The following ALK variants were observed in gnomAD, a reference collection of about 807,000 sequenced individuals.
ALK encodes ALK receptor tyrosine kinase, also known as ALK tyrosine kinase receptor.
In ALK, 74 loss-of-function variants were observed where a neutral mutation model predicts 163.1. The observed-to-expected ratio is 0.45, with a 90% CI of 0.38 to 0.55. The LOEUF (loss-of-function observed/expected upper bound fraction) is 0.55. ALK is among the 20% of genes least tolerant of loss of function. The pLI is 0.00. For missense variants in ALK, 2,063 were observed against 2,105.3 expected, an observed-to-expected ratio of 0.98 and a Z score of 0.39; for synonymous variants, 960 against 843.2, an observed-to-expected ratio of 1.14 and a Z score of -2.40.
rs1553315937 is a variant in ALK at position 29,440,318 on chromosome 2, A to ATTTT, written c.1155-56463_1155-56460dup. Among the ~76,000 whole-genome samples, 22 of 83,134 alleles carry ATTTT rather than the reference A, an allele frequency of 2.6e-4. 7 individuals are homozygous for ATTTT. Among genetic ancestry groups the ATTTT allele is most frequent in the East Asian group, 1.1e-3 (4 of 3,568 alleles). 54.5% of individuals were successfully genotyped at this position (83,134 alleles called of 152,430 possible). A position where few individuals can be genotyped will look rare whatever the true frequency, so the allele number is the denominator to read the frequency against. The stretch of plus-strand genomic sequence containing the variant: ...GTTACGTAGGTTACGTGATGAATCA[A>ATTTT]TTTTTTTTTTTTTTTTTTGAGACGG... On this transcript the variant is annotated intron_variant, in intron 4 of 28. Transcript: ENST00000389048.
intron 5 of ALK, among the ~76,000 whole-genome samples, chr2:29,381,322 T>C (rs1050013826): frequency 1.2e-4 from 18 of 152,286 alleles, no homozygotes; most frequent in African/African-American, 4.3e-4. Context: ...AGCTTTTTGC[T>C]ATTAGTCCAT....
chr2:29,647,339 A>C (rs10182925), intron 3 of ALK, among the ~76,000 whole-genome samples: 16,182 of 152,084 alleles, frequency 0.11, 1,617 homozygotes, highest in African/African-American at 0.26. Context: ...CATCTCTAAT[A>C]TGTCTCTTCT....
chr2:29,771,297 C>T (rs1681016073), intron 1 of ALK, among the ~76,000 whole-genome samples: 2 of 152,286 alleles, frequency 1.3e-5, no homozygotes, highest in East Asian at 1.9e-4. Flanking sequence ...GGAGTTCATA[C>T]TGCAAGACAA....
intron 4 of ALK, among the ~76,000 whole-genome samples, chr2:29,489,553 G>C (rs1014170996): frequency 6.6e-6 from 1 of 152,194 alleles, no homozygotes; most frequent in Non-Finnish European, 1.5e-5. Flanking sequence ...TCCCACATTG[G>C]CCTCCCAAAG....
intron 1 of ALK, among the ~76,000 whole-genome samples, chr2:29,720,312 A>G (rs545258098): frequency 3.7e-4 from 57 of 152,292 alleles, no homozygotes; most frequent in African/African-American, 1.3e-3. Flanking sequence ...CAGAAGCATG[A>G]GCTTAAAGCC....
At chr2:29,412,541 A>C (rs1231725440) in intron 4 of ALK, among the ~76,000 whole-genome samples, 1 of 152,168 alleles carries the variant, frequency 6.6e-6, no homozygotes, top group South Asian at 2.1e-4. Context: ...CCATTTCCAG[A>C]ATAGGGAGGT....
At chr2:29,569,445 G>A (rs188741998) in intron 3 of ALK, among the ~76,000 whole-genome samples, 3 of 152,252 alleles carry the variant, frequency 2.0e-5, no homozygotes, top group Non-Finnish European at 4.4e-5. Context: ...CTTGTCTATA[G>A]AATGGGTTGG....
In ALK at chr2:29,448,052, G is replaced by A. The variant is rs529310117; in HGVS notation, c.1155-64193C>T. On this transcript the variant is annotated intron_variant, in intron 4 of 28. Transcript: ENST00000389048. ...TTATTGTTTTCTTCATAAATTTAAG[G>A]CCAGATGCAGCAATTTATGGTCTAT... 2.0e-5 allele frequency among the ~76,000 whole-genome samples: 3 copies of A among 152,238 alleles called. No individual in the cohort carries two copies. The South Asian group carries it at 6.2e-4, about 32-fold the overall frequency.
chr2:29,573,347 G>C (rs1183855116), intron 3 of ALK, among the ~76,000 whole-genome samples: 1 of 152,250 alleles, frequency 6.6e-6, no homozygotes, highest in Non-Finnish European at 1.5e-5. Flanking sequence ...ATTTGGATCA[G>C]AGGTCCGTCT....
At chr2:29,662,142 G>C (rs1006009481) in intron 3 of ALK, among the ~76,000 whole-genome samples, 1 of 152,028 alleles carries the variant, frequency 6.6e-6, no homozygotes, top group Admixed American at 6.6e-5. Flanking sequence ...GAACTCCTGA[G>C]CTCAGGCAAT....
At chr2:29,540,684 A>G (rs1673391292) in intron 3 of ALK, among the ~76,000 whole-genome samples, 1 of 151,356 alleles carries the variant, frequency 6.6e-6, no homozygotes, top group South Asian at 2.1e-4. Context: ...TTATTTTCTC[A>G]CAATGTAGAC....
intron 22 of ALK, chr2:29,221,145 T>C: frequency 1.8e-6 from 1 of 563,010 alleles, no homozygotes; most frequent in Non-Finnish European, 3.5e-6. Flanking sequence ...TCTCAGATAC[T>C]GGTGCGTGGA....
intron 3 of ALK, among the ~76,000 whole-genome samples, chr2:29,677,576 T>C (rs1434932816): frequency 1.3e-5 from 2 of 152,076 alleles, no homozygotes; most frequent in Non-Finnish European, 2.9e-5. Context: ...TAACATGGTA[T>C]ATTACATCAA....
intron 1 of ALK, among the ~76,000 whole-genome samples, chr2:29,859,193 G>T (rs1253232935): frequency 6.6e-6 from 1 of 152,186 alleles, no homozygotes; most frequent in Non-Finnish European, 1.5e-5. Context: ...CACTGGAAGG[G>T]TTATGTACTG....
At chr2:29,696,693 A>G (rs1222302564) in intron 2 of ALK, among the ~76,000 whole-genome samples, 1 of 152,048 alleles carries the variant, frequency 6.6e-6, no homozygotes, top group East Asian at 1.9e-4. Context: ...GTCCCCACCC[A>G]TAGAAGAGAA....
chr2:29,522,217 A>C (rs560624899), intron 4 of ALK, among the ~76,000 whole-genome samples: 1 of 152,112 alleles, frequency 6.6e-6, no homozygotes, highest in Non-Finnish European at 1.5e-5. Flanking sequence ...AAGCTGTGCA[A>C]CTCTAGGCAG....
At chr2:29,275,365 G>A (rs1665508627) in intron 10 of ALK, 37 bp downstream of exon 10, 1 of 1,611,434 alleles carries the variant, frequency 6.2e-7, no homozygotes, top group African/African-American at 1.3e-5. Flanking sequence ...GGCCATGGGG[G>A]TTGGGGGACA....
At chr2:29,588,432 T>C (rs1346882623) in intron 3 of ALK, among the ~76,000 whole-genome samples, 1 of 152,118 alleles carries the variant, frequency 6.6e-6, no homozygotes, top group Non-Finnish European at 1.5e-5. Context: ...GGTTTTGCCA[T>C]GTTGGTCAGG....
At chr2:29,277,474 T>C (rs1665577583) in intron 9 of ALK, among the ~76,000 whole-genome samples, 1 of 152,268 alleles carries the variant, frequency 6.6e-6, no homozygotes, top group African/African-American at 2.4e-5. Context: ...CATTTATCTG[T>C]GCTTTCAACC....
Sources: allele counts gnomAD v4.1 joint callset (sites outside exome capture counted in the v4.1 genomes callset), GRCh38; gene constraint gnomAD v4.1.1; transcripts MANE v1.5; gene names NCBI Gene and HGNC (gene_info 2026-07-23, HGNC 2026-07-21).